The following OGT variants were observed in gnomAD, a reference collection of about 807,000 sequenced individuals.
OGT encodes UDP-N-acetylglucosamine--peptide N-acetylglucosaminyltransferase 110 kDa subunit.
Under a neutral mutation model 75.8 loss-of-function variants are expected in OGT, and 3 were observed. The ratio of observed to expected loss-of-function variants is 0.04; its 90% CI spans 0.02 to 0.10. The LOEUF (loss-of-function observed/expected upper bound fraction) is 0.10. Ranked by LOEUF, OGT falls within the 10% of genes least tolerant of loss-of-function variation. The pLI, the probability that OGT is intolerant of heterozygous loss-of-function variation, is 1.00. For missense variants in OGT, 260 were observed against 824.4 expected, an observed-to-expected ratio of 0.32 and a Z score of 8.38; for synonymous variants, 257 against 289.7, an observed-to-expected ratio of 0.89 and a Z score of 1.15.
At chrX:71,557,363 A>G in intron 11 of OGT, 67 bp downstream of exon 11, 2 of 1,062,905 alleles carry the variant, frequency 1.9e-6, no homozygotes, top group Non-Finnish European at 1.3e-6. Context: ...TGTATGCCAT[A>G]AGAATCCAAG....
intron 14 of OGT, among the ~76,000 whole-genome samples, chrX:71,560,289 A>G (rs1487799377): frequency 2.8e-5 from 3 of 108,853 alleles, no homozygotes; most frequent in Non-Finnish European, 1.9e-5. Flanking sequence ...AAAAAAAAAA[A>G]AAAAAGAAAA....
intron 3 of OGT, among the ~76,000 whole-genome samples, chrX:71,543,762 GTGTGTA>G (rs1213504754): frequency 8.2e-5 from 5 of 60,820 alleles, no homozygotes; most frequent in African/African-American, 2.8e-4. Context: ...GTGTGTGTGT[GTGTGTA>G]TATATATATA....
intron 2 of OGT, 184 bp downstream of exon 2, chrX:71,536,542 G>T: frequency 2.8e-6 from 1 of 353,878 alleles, no homozygotes. Flanking sequence ...TTCCTTTTGT[G>T]GTGGTGGTTA....
At chrX:71,560,291 A>G (rs908256262) in intron 14 of OGT, among the ~76,000 whole-genome samples, 4 of 108,830 alleles carry the variant, frequency 3.7e-5, no homozygotes, top group South Asian at 7.9e-4. Context: ...AAAAAAAAAA[A>G]AAAGAAAAAA....
rs762375342 is a variant in OGT, at chrX:71,556,426, CAG to C, written c.1066-246_1066-245del. On this transcript the variant is annotated intron_variant, in intron 8 of 21. Transcript: ENST00000373719. ...GTTAGTAGATGTGGTAGGAGTTTAG[CAG>C]AGAGAGATTTCAGTGGTGTTGGAGT... 50 of 357,205 alleles carry C rather than the reference CAG, an allele frequency of 1.4e-4. No homozygotes were observed. The Admixed American group carries it at 1.6e-3, about 12-fold the overall frequency. 29.4% of individuals were successfully genotyped at this position (357,205 alleles called of 1,213,427 possible). A position where few individuals can be genotyped will look rare whatever the true frequency, so the allele number is the denominator to read the frequency against.
At chrX:71,547,805 TC>T in intron 4 of OGT, 101 bp from the exon 5 acceptor site, 2 of 1,128,698 alleles carry the variant, frequency 1.8e-6, no homozygotes, top group Non-Finnish European at 1.2e-6. Flanking sequence ...GATATCACCT[TC>T]TTCCCCCCCT....
rs191970115 is a variant in OGT, at chrX:71,574,128, A to C, written c.*334A>C. 63 of 138,531 alleles carry C rather than the reference A, an allele frequency of 4.5e-4. No individual in the cohort carries two copies. Among genetic ancestry groups the C allele is most frequent in the African/African-American group, 1.8e-3 (56 of 31,786 alleles). The allele number at this position is 138,531 out of a possible 1,213,427, so 11.4% of individuals were successfully genotyped here. A position where few individuals can be genotyped will look rare whatever the true frequency, so the allele number is the denominator to read the frequency against. On this transcript the variant is annotated 3_prime_UTR_variant, in exon 22 of 22. Coordinates refer to ENST00000373719, the MANE Select transcript of OGT (RefSeq NM_181672.3). Reference sequence around the variant, plus strand: ...GTCCGGCCGCTTTGTGATTCCATGGATTGATTCAGTCTTCTGGATTTTTTT... The same window carrying C: ...GTCCGGCCGCTTTGTGATTCCATGGCTTGATTCAGTCTTCTGGATTTTTTT...
intron 14 of OGT, 59 bp from the exon 15 acceptor site, chrX:71,561,700 CCATTAAAACTAAATGT>C (rs1278812480): frequency 9.7e-6 from 8 of 828,820 alleles, no homozygotes; most frequent in Admixed American, 4.1e-5. Context: ...AAACTAAATG[CCATTAAAACTAAATGT>C]CATTAAAACT....
chrX:71,563,481 T>C lies in OGT; in HGVS notation c.2418T>C (p.Asn806=). Residue 806 remains asparagine, a synonymous_variant, in exon 18 of 22, where the codon AAT becomes AAC. Coordinates refer to ENST00000373719, the MANE Select transcript of OGT (RefSeq NM_181672.3). ...CAATTAATGGATTCAGTATTAGCAA[T>C]GGACTGGCAACTACTCAGGTGAGAA... The part of the protein sequence containing the change: ...QITINGFSIS[N]GLATTQINNK... 2 of 1,198,954 alleles carry C rather than the reference T, an allele frequency of 1.7e-6. No individual in the cohort carries two copies. The highest frequency in any genetic ancestry group is 1.1e-6 in the Non-Finnish European group (1 of 888,503).
intron 18 of OGT, 51 bp from the exon 19 acceptor site, chrX:71,564,550 A>G: frequency 1.0e-6 from 1 of 999,041 alleles, no homozygotes; most frequent in Non-Finnish European, 1.4e-6. Context: ...GGATTGAAAT[A>G]TTGGACTCCT....
At chrX:71,564,573 TA>T in intron 18 of OGT, 27 bp from the exon 19 acceptor site, 1 of 1,176,052 alleles carries the variant, frequency 8.5e-7, no homozygotes, top group African/African-American at 1.8e-5. Context: ...TGCCTTTAAA[TA>T]TAACCATCAT....
intron 5 of OGT, among the ~76,000 whole-genome samples, chrX:71,548,853 G>A (rs1410500950): frequency 9.0e-6 from 1 of 111,156 alleles, no homozygotes; most frequent in African/African-American, 3.3e-5. Context: ...CCAAATTGCT[G>A]TGACACAATT....
chrX:71,551,435 C>T (rs1020082372), intron 5 of OGT, among the ~76,000 whole-genome samples: 12 of 111,996 alleles, frequency 1.1e-4, no homozygotes, highest in African/African-American at 3.9e-4. Flanking sequence ...AGTTCGAGAC[C>T]AGCCTGGCCA....
At position 71,552,387 on chromosome X, in the gene OGT, A is replaced by ATT. The variant is rs757206451; in HGVS notation, c.649-2108_649-2107dup. The stretch of plus-strand genomic sequence containing the variant: ...AATGAGAAATTGGAGCACTGAATGG[A>ATT]TTTTTTTTTTTTTTTTTTTGAGACA... On this transcript the variant is annotated intron_variant, in intron 5 of 21. Coordinates refer to ENST00000373719, the MANE Select transcript of OGT (RefSeq NM_181672.3). Among the ~76,000 whole-genome samples, 390 of 91,921 alleles carry ATT rather than the reference A, an allele frequency of 4.2e-3. 2 individuals carry two copies. Among genetic ancestry groups the ATT allele is most frequent in the East Asian group, 0.023 (63 of 2,778 alleles). 79.8% of individuals were successfully genotyped at this position (91,921 alleles called of 115,157 possible).
chrX:71,536,954 T>C (rs1162800182), intron 2 of OGT: 9 of 208,686 alleles, frequency 4.3e-5, no homozygotes, highest in South Asian at 3.6e-4. Context: ...TGATTTCCAA[T>C]GTGGTGGGTT....
intron 5 of OGT, among the ~76,000 whole-genome samples, chrX:71,550,356 T>A (rs952074048): frequency 1.8e-4 from 20 of 112,327 alleles, no homozygotes; most frequent in African/African-American, 5.5e-4. Context: ...TTTTTATATA[T>A]CTGCTTGCCA....
At chrX:71,546,857 G>GT (rs1188569117) in intron 4 of OGT, 1 of 754,034 alleles carries the variant, frequency 1.3e-6, no homozygotes, top group African/African-American at 2.3e-5. Flanking sequence ...CGGTTGACTA[G>GT]ATGAGTAATC....
chrX:71,566,789 AT>A (rs1373894872), intron 19 of OGT, among the ~76,000 whole-genome samples: 1 of 112,513 alleles, frequency 8.9e-6, no homozygotes, highest in African/African-American at 3.2e-5. Flanking sequence ...TGTTAATGTG[AT>A]ACATACACAC....
intron 14 of OGT, among the ~76,000 whole-genome samples, chrX:71,561,500 T>A (rs1001660044): frequency 1.1e-4 from 12 of 110,179 alleles, no homozygotes. Flanking sequence ...CAAATACCAA[T>A]TTCTCTGTGA....
Sources: gnomAD v4.1 joint callset for allele counts (sites outside exome capture counted in the v4.1 genomes callset) on GRCh38, gnomAD v4.1.1 for gene constraint, MANE v1.5 for transcripts, NCBI Gene and HGNC (gene_info 2026-07-23, HGNC 2026-07-21) for gene names.